The following CDH10 variants were observed in gnomAD, a reference collection of about 807,000 sequenced individuals.
CDH10 encodes the protein cadherin-10.
Under a neutral mutation model 73.1 loss-of-function variants are expected in CDH10, and 30 were observed. The observed-to-expected ratio is 0.41, with a 90% CI of 0.31 to 0.56. The LOEUF (loss-of-function observed/expected upper bound fraction) is 0.56. Among genes scored for constraint, CDH10 ranks in the 20% least tolerant of loss-of-function variants. CDH10 has a pLI of 0.27. For synonymous variants in CDH10, 345 were observed against 348.2 expected, an observed-to-expected ratio of 0.99 and a Z score of 0.10; for missense variants, 815 against 973.7, an observed-to-expected ratio of 0.84 and a Z score of 2.17.
Position 24,535,722 on chromosome 5 carries a change from G to T in CDH10, c.627C>A (p.Phe209Leu). The T allele has an allele frequency of 6.2e-7, 1 of 1,611,534 alleles. No individual in the cohort carries two copies. The highest frequency in any genetic ancestry group is 8.5e-7 in the Non-Finnish European group (1 of 1,178,502). The change falls in exon 4 of 12, where the codon TTC becomes TTA. Residue 209 changes from phenylalanine (F) to leucine (L), a missense_variant. This residue lies in a region of CDH10 where 516 missense variants were observed against 636.6 expected (regional missense o/e 0.81). Transcript: ENST00000264463. ...CCTGACCTGTTTCAGGCTCCACAGA[G>T]AAATAGGGCTGCCCTTGAAGTATGC... ...IYSILQGQPYFSVEPETGIIR... is the reference protein window; with the variant it reads ...IYSILQGQPYLSVEPETGIIR...
intron 1 of CDH10, among the ~76,000 whole-genome samples, chr5:24,635,235 A>G (rs2112206713): frequency 6.6e-6 from 1 of 152,060 alleles, no homozygotes; most frequent in Non-Finnish European, 1.5e-5. Context: ...TAGGTATCAA[A>G]ACGTTAATGG....
At position 24,584,990 on chromosome 5, in the gene CDH10, G is replaced by A. The variant is rs147262694; in HGVS notation, c.231+8270C>T. On this transcript the variant is annotated intron_variant, in intron 2 of 11. Coordinates refer to ENST00000264463, the MANE Select transcript of CDH10 (RefSeq NM_006727.5). ...CCCTTTCTGGTAGCTGGGACTACAG[G>A]CACGTGCCACCATGCCTGGATAATT... 8.7e-4 allele frequency among the ~76,000 whole-genome samples: 132 copies of A among 151,948 alleles called. 2 individuals carry two copies. In the East Asian group the frequency reaches 0.025, roughly 29 times the overall value.
chr5:24,552,975 T>A (rs1347231237), intron 2 of CDH10, among the ~76,000 whole-genome samples: 2 of 140,710 alleles, frequency 1.4e-5, no homozygotes, highest in Non-Finnish European at 3.1e-5. Context: ...CCAGCATCTT[T>A]GGCCTCTCCA....
At chr5:24,618,765 T>A (rs1747206814) in intron 1 of CDH10, among the ~76,000 whole-genome samples, 1 of 152,192 alleles carries the variant, frequency 6.6e-6, no homozygotes, top group Admixed American at 6.5e-5. Context: ...TGAAACTCCT[T>A]TGTTTAATTT....
At chr5:24,618,700 C>A (rs1179346121) in intron 1 of CDH10, among the ~76,000 whole-genome samples, 1 of 152,152 alleles carries the variant, frequency 6.6e-6, no homozygotes, top group South Asian at 2.1e-4. Flanking sequence ...GTGTAATTAT[C>A]TAAATAATGC....
chr5:24,509,416 T>C (rs2111747949), intron 7 of CDH10, 150 bp downstream of exon 7: 2 of 575,670 alleles, frequency 3.5e-6, no homozygotes, highest in African/African-American at 1.9e-5. Context: ...ATTTTTTGTA[T>C]CTTTAGTAGA....
At chr5:24,642,473 A>G (rs1178980163) in intron 1 of CDH10, among the ~76,000 whole-genome samples, 3 of 152,180 alleles carry the variant, frequency 2.0e-5, no homozygotes, top group Non-Finnish European at 4.4e-5. Context: ...CAACAAGAAA[A>G]AAAACATACC....
chr5:24,552,853 T>C (rs1744597290), intron 2 of CDH10, among the ~76,000 whole-genome samples: 1 of 152,092 alleles, frequency 6.6e-6, no homozygotes, highest in South Asian at 2.1e-4. Flanking sequence ...GATAAATGGG[T>C]TTCATCTTGT....
chr5:24,638,097 A>G (rs944333288), intron 1 of CDH10, among the ~76,000 whole-genome samples: 1 of 151,690 alleles, frequency 6.6e-6, no homozygotes, highest in African/African-American at 2.4e-5. Context: ...CCAAGGGGAG[A>G]AAAAAAATTA....
intron 1 of CDH10, among the ~76,000 whole-genome samples, chr5:24,643,381 T>A (rs1177795313): frequency 1.3e-5 from 2 of 152,112 alleles, no homozygotes; most frequent in African/African-American, 4.8e-5. Context: ...TGCCAAGTGT[T>A]ATTCACCACA....
intron 1 of CDH10, among the ~76,000 whole-genome samples, chr5:24,630,138 T>G (rs1389409144): frequency 6.6e-6 from 1 of 151,962 alleles, no homozygotes; most frequent in Admixed American, 6.6e-5. Context: ...ACAAAAGGAA[T>G]AAGGCATGCA....
At chr5:24,619,489 G>A (rs750685839) in intron 1 of CDH10, among the ~76,000 whole-genome samples, 24 of 152,056 alleles carry the variant, frequency 1.6e-4, no homozygotes, top group African/African-American at 5.3e-4. Flanking sequence ...CACCGTGCCC[G>A]GCCTGATTTA....
chr5:24,544,954 TA>T (rs1744287585), intron 2 of CDH10, among the ~76,000 whole-genome samples: 1 of 152,130 alleles, frequency 6.6e-6, no homozygotes, highest in Non-Finnish European at 1.5e-5. Flanking sequence ...GCCAGAAATT[TA>T]AAAAATATAT....
intron 1 of CDH10, among the ~76,000 whole-genome samples, chr5:24,594,322 C>T (rs1746298716): frequency 6.6e-6 from 1 of 151,928 alleles, no homozygotes; most frequent in Non-Finnish European, 1.5e-5. Context: ...CCACTATACC[C>T]CAGGCTGACT....
chr5:24,525,534 G>A (rs1012973369), intron 5 of CDH10, among the ~76,000 whole-genome samples: 3 of 151,938 alleles, frequency 2.0e-5, no homozygotes, highest in African/African-American at 7.2e-5. Context: ...GAGCTTAAGA[G>A]GAAGAAATTA....
intron 2 of CDH10, among the ~76,000 whole-genome samples, chr5:24,592,718 A>G (rs1746241390): frequency 6.6e-6 from 1 of 151,828 alleles, no homozygotes; most frequent in Admixed American, 6.6e-5. Context: ...TTTTCTTTAT[A>G]CAAATGCACC....
chr5:24,540,219 G>T lies in CDH10; in HGVS notation c.232-2545C>A, dbSNP rs555532154. Among the ~76,000 whole-genome samples, 27 of 151,968 alleles carry T rather than the reference G, an allele frequency of 1.8e-4. 1 individual carries two copies. The South Asian group carries it at 5.0e-3, about 28-fold the overall frequency. ...CTAAATTATCAAAGAAGGAGTAGAG[G>T]TTTGAACCTGGGAAATTTTTATATG... On this transcript the variant is annotated intron_variant, in intron 2 of 11. Coordinates refer to ENST00000264463, the MANE Select transcript of CDH10 (RefSeq NM_006727.5).
chr5:24,509,141 C>T (rs1203987319), intron 7 of CDH10, among the ~76,000 whole-genome samples: 9 of 148,212 alleles, frequency 6.1e-5, no homozygotes, highest in African/African-American at 9.9e-5. Context: ...TATCTTCCAT[C>T]GCATTAAATG....
At chr5:24,606,546 G>T (rs565467447) in intron 1 of CDH10, among the ~76,000 whole-genome samples, 14 of 151,470 alleles carry the variant, frequency 9.2e-5, no homozygotes, top group Non-Finnish European at 1.8e-4. Flanking sequence ...GGGAGGTGGA[G>T]GTTGCAGTGA....
Sources: allele counts gnomAD v4.1 joint callset (sites outside exome capture counted in the v4.1 genomes callset), GRCh38; gene constraint gnomAD v4.1.1; regional missense constraint gnomAD v4.1.1; transcripts MANE v1.5; gene names NCBI Gene and HGNC (gene_info 2026-07-23, HGNC 2026-07-21).